FYB1: variants seen among roughly 807,000 people sequenced by gnomAD.
The protein encoded by FYB1 is FYN-binding protein 1.
A neutral mutation model predicts 94.1 loss-of-function variants in FYB1; 41 were observed. The observed-to-expected ratio is 0.44, with a 90% CI of 0.34 to 0.57. The LOEUF (loss-of-function observed/expected upper bound fraction) is 0.57, where lower values mean the gene tolerates loss of function less well. Among genes scored for constraint, FYB1 ranks in the 20% least tolerant of loss-of-function variants. The probability of loss-of-function intolerance (pLI) is 0.02; values close to 1 mark genes in which losing one functional copy is unlikely to be tolerated. For missense variants in FYB1, 1,050 were observed against 976.8 expected (o/e 1.07, Z -1.00); for synonymous variants, 367 against 353.2 (o/e 1.04, Z -0.44).
intron 13 of FYB1, among the ~76,000 whole-genome samples, chr5:39,122,796 A>G (rs1740253852): frequency 6.6e-6 from 1 of 152,114 alleles, no homozygotes; most frequent in Non-Finnish European, 1.5e-5. Context: ...TATGGGATTT[A>G]GGGTGCTGTG....
At position 39,130,000 on chromosome 5, in the gene FYB1, A is replaced by C. The variant is rs888868859; in HGVS notation, c.1840+590T>G. Among the ~76,000 whole-genome samples, 46 of 152,090 alleles carry C rather than the reference A, an allele frequency of 3.0e-4. 1 individual carries two copies. The highest frequency in any genetic ancestry group is 1.1e-3 in the African/African-American group (46 of 41,436). On this transcript the variant is annotated intron_variant, in intron 10 of 18. Coordinates refer to ENST00000512982, the MANE Select transcript of FYB1 (RefSeq NM_001465.6). ...CTATTCACAGTAGCAAAGATATAGA[A>C]TCAACCTAATTATCATTGGATGAAT...
At chr5:39,267,606 C>T (rs1295067262) in intron 1 of FYB1, among the ~76,000 whole-genome samples, 1 of 152,070 alleles carries the variant, frequency 6.6e-6, no homozygotes, top group African/African-American at 2.4e-5. Flanking sequence ...AGAATGTCAG[C>T]AGCAATGTTA....
intron 1 of FYB1, among the ~76,000 whole-genome samples, chr5:39,208,580 G>A (rs171847): frequency 0.85 from 129,631 of 152,080 alleles, 56,343 homozygotes; most frequent in Non-Finnish European, 0.94. Flanking sequence ...CATTACCCAT[G>A]ATAGGACCCC....
intron 9 of FYB1, among the ~76,000 whole-genome samples, chr5:39,130,902 TC>T (rs1741143472): frequency 6.6e-6 from 1 of 152,138 alleles, no homozygotes; most frequent in Non-Finnish European, 1.5e-5. Context: ...GAGGTTGTTT[TC>T]AGATGATACA....
intron 2 of FYB1, among the ~76,000 whole-genome samples, chr5:39,187,133 G>A (rs1428166206): frequency 6.6e-6 from 1 of 152,080 alleles, no homozygotes; most frequent in Non-Finnish European, 1.5e-5. Context: ...GCTTTTTGCA[G>A]GTTCTCCTAT....
intron 16 of FYB1, 59 bp from the exon 17 acceptor site, chr5:39,110,448 C>T: frequency 9.0e-7 from 1 of 1,116,002 alleles, no homozygotes; most frequent in Non-Finnish European, 1.3e-6. Context: ...ATCTTTAGTA[C>T]TTTTTTCAGG....
chr5:39,134,082 G>A (rs1741442324), intron 9 of FYB1, 126 bp downstream of exon 9: 3 of 616,904 alleles, frequency 4.9e-6, no homozygotes, highest in Non-Finnish European at 8.2e-6. Flanking sequence ...GTTATTGTAA[G>A]TGGTCATTTA....
intron 3 of FYB1, among the ~76,000 whole-genome samples, chr5:39,141,417 T>C (rs768719156): frequency 1.2e-4 from 18 of 152,174 alleles, no homozygotes; most frequent in South Asian, 2.1e-4. Context: ...TGTTTCCCAT[T>C]ATATTAGTAG....
chr5:39,113,490 C>A (rs1282936024), intron 16 of FYB1, among the ~76,000 whole-genome samples: 1 of 151,994 alleles, frequency 6.6e-6, no homozygotes, highest in African/African-American at 2.4e-5. Context: ...AAAATAACAC[C>A]CACCTCCCAT....
In FYB1 at chr5:39,110,402, A is replaced by G. The variant is rs1283132575; in HGVS notation, c.2402-13T>C. 6.3e-7 allele frequency: 1 copy of G among 1,577,526 alleles called. No individual in the cohort carries two copies. The highest frequency in any genetic ancestry group is 8.7e-7 in the Non-Finnish European group (1 of 1,154,482). ...AGGACATAACCATCTACGAAGGAAAAAGGAAATAAATTGTATCAATAATAC... is the reference window on the plus strand; with the variant it reads ...AGGACATAACCATCTACGAAGGAAAGAGGAAATAAATTGTATCAATAATAC... On this transcript the variant is annotated splice_polypyrimidine_tract_variant and intron_variant, in intron 16 of 18. Coordinates refer to ENST00000512982, the MANE Select transcript of FYB1 (RefSeq NM_001465.6).
rs532031423 is a variant in FYB1, at chr5:39,118,594, T to C, written c.2401+280A>G. Among the ~76,000 whole-genome samples the C allele has an allele frequency of 5.3e-5, 8 of 152,302 alleles. No homozygotes were observed. The East Asian group carries it at 1.5e-3, about 29-fold the overall frequency. ...TAATACACACGCAAGGGCTTTCTGA[T>C]GCTGATGGTCTGTAGTACTGCATTT... On this transcript the variant is annotated intron_variant, in intron 16 of 18. Coordinates refer to ENST00000512982, the MANE Select transcript of FYB1 (RefSeq NM_001465.6).
chr5:39,204,671 T>C (rs752919127), intron 1 of FYB1, among the ~76,000 whole-genome samples: 44 of 152,128 alleles, frequency 2.9e-4, no homozygotes, highest in Non-Finnish European at 5.0e-4. Context: ...AGGATTCTAA[T>C]ATATGCTTGG....
At chr5:39,262,103 T>A (rs917521541) in intron 1 of FYB1, among the ~76,000 whole-genome samples, 7 of 152,158 alleles carry the variant, frequency 4.6e-5, no homozygotes, top group Non-Finnish European at 1.0e-4. Context: ...ATTAATTTCT[T>A]AAAAGGACAT....
At chr5:39,188,564 GAC>G (rs1404202852) in intron 2 of FYB1, among the ~76,000 whole-genome samples, 1 of 87,394 alleles carries the variant, frequency 1.1e-5, no homozygotes, top group Non-Finnish European at 2.2e-5. Context: ...TTTTTTTTGA[GAC>G]AGAGTTTCGC....
chr5:39,261,770 G>T (rs1487738037), intron 1 of FYB1, among the ~76,000 whole-genome samples: 1 of 152,040 alleles, frequency 6.6e-6, no homozygotes, highest in East Asian at 1.9e-4. Context: ...GAAAAGAAAA[G>T]AAATAATGAT....
chr5:39,177,362 C>T (rs1413993393), intron 2 of FYB1, among the ~76,000 whole-genome samples: 1 of 152,166 alleles, frequency 6.6e-6, no homozygotes, highest in Admixed American at 6.5e-5. Context: ...CCTTTAAATT[C>T]ACAGAGCTAT....
chr5:39,135,050 T>C (rs1741560260), intron 7 of FYB1, 36 bp from the exon 8 acceptor site: 1 of 1,600,848 alleles, frequency 6.2e-7, no homozygotes, highest in Non-Finnish European at 8.5e-7. Flanking sequence ...AAAGATTTCC[T>C]TATAATTTAG....
At chr5:39,218,040 A>G (rs1750010430) in intron 1 of FYB1, among the ~76,000 whole-genome samples, 1 of 152,228 alleles carries the variant, frequency 6.6e-6, no homozygotes, top group Non-Finnish European at 1.5e-5. Flanking sequence ...AGCTGCTGCG[A>G]GCTTCCAAGC....
At chr5:39,171,958 G>A (rs1745286471) in intron 2 of FYB1, among the ~76,000 whole-genome samples, 1 of 152,128 alleles carries the variant, frequency 6.6e-6, no homozygotes, top group African/African-American at 2.4e-5. Context: ...GGTGAAGGAT[G>A]GTAAAGATAA....
Sources: gnomAD v4.1 joint callset for allele counts (sites outside exome capture counted in the v4.1 genomes callset) on GRCh38, gnomAD v4.1.1 for gene constraint, MANE v1.5 for transcripts, NCBI Gene and HGNC (gene_info 2026-07-23, HGNC 2026-07-21) for gene names.